Variants in TNNI3K observed in about 807,000 individuals in gnomAD.
TNNI3K encodes TNNI3 interacting kinase, also known as serine/threonine-protein kinase TNNI3K.
Under a neutral mutation model 114.5 loss-of-function variants are expected in TNNI3K, and 140 were observed. That is an observed-to-expected ratio of 1.22 (90% CI 1.07 to 1.41). The LOEUF (loss-of-function observed/expected upper bound fraction) is 1.41. Among genes scored for constraint, TNNI3K ranks in the 40% most tolerant of loss-of-function variants. TNNI3K has a pLI of 0.00. For missense variants in TNNI3K, 1,125 were observed against 1,007.6 expected, an observed-to-expected ratio of 1.12 and a Z score of -1.58; for synonymous variants, 347 against 347.5, an observed-to-expected ratio of 1.00 and a Z score of 0.02.
At chr1:74,337,399 G>T (rs1372364755) in intron 7 of TNNI3K, among the ~76,000 whole-genome samples, 1 of 151,578 alleles carries the variant, frequency 6.6e-6, no homozygotes, top group Non-Finnish European at 1.5e-5. Context: ...CATTGCTTTT[G>T]GTGTTTTAGA....
At chr1:74,275,130 A>T (rs1431163295) in intron 5 of TNNI3K, among the ~76,000 whole-genome samples, 1 of 151,982 alleles carries the variant, frequency 6.6e-6, no homozygotes, top group Non-Finnish European at 1.5e-5. Flanking sequence ...GAGGATAGAG[A>T]TTGTATTAGT....
chr1:74,430,916 T>C (rs1457288674), intron 17 of TNNI3K, among the ~76,000 whole-genome samples: 1 of 152,132 alleles, frequency 6.6e-6, no homozygotes, highest in Non-Finnish European at 1.5e-5. Flanking sequence ...ACTTGAAATA[T>C]TCCACAGTAA....
chr1:74,280,999 A>G (rs1180529343), intron 5 of TNNI3K, among the ~76,000 whole-genome samples: 1 of 152,202 alleles, frequency 6.6e-6, no homozygotes. Flanking sequence ...AACTAAAGCA[A>G]CTAGCAGACT....
chr1:74,421,675 G>C (rs978609151), intron 17 of TNNI3K, among the ~76,000 whole-genome samples: 1 of 152,042 alleles, frequency 6.6e-6, no homozygotes, highest in African/African-American at 2.4e-5. Flanking sequence ...GAGTGGCTTA[G>C]CTTGATTGCT....
At chr1:74,526,381 T>C (rs528303718) in intron 23 of TNNI3K, among the ~76,000 whole-genome samples, 1 of 152,274 alleles carries the variant, frequency 6.6e-6, no homozygotes, top group East Asian at 1.9e-4. Context: ...TTTTTATTTA[T>C]GTAACTACCC....
At position 74,336,439 on chromosome 1, in the gene TNNI3K, C is replaced by T. The variant is rs10890123; in HGVS notation, c.682+290C>T. Among the ~76,000 whole-genome samples, 38,083 of 151,584 alleles carry T rather than the reference C, an allele frequency of 0.25. 5,102 individuals carry two copies. The highest frequency in any genetic ancestry group is 0.35 in the African/African-American group (14,585 of 41,220). ...TATGTATACATGTGCCATGCTGGTGCGCTGCACCCACTAACTCGTCATCTA... is the reference window on the plus strand; with the variant it reads ...TATGTATACATGTGCCATGCTGGTGTGCTGCACCCACTAACTCGTCATCTA... On this transcript the variant is annotated intron_variant, in intron 7 of 24. Coordinates refer to ENST00000326637, the MANE Select transcript of TNNI3K (RefSeq NM_015978.3).
chr1:74,316,609 G>A (rs1659317529), intron 5 of TNNI3K, among the ~76,000 whole-genome samples: 2 of 151,868 alleles, frequency 1.3e-5, no homozygotes, highest in Admixed American at 6.6e-5. Context: ...AGTTTTCTCA[G>A]GGAGGCCCTT....
At chr1:74,343,945 T>C (rs1423275144) in intron 9 of TNNI3K, among the ~76,000 whole-genome samples, 2 of 152,232 alleles carry the variant, frequency 1.3e-5, no homozygotes, top group Non-Finnish European at 2.9e-5. Context: ...AAAAGCATAG[T>C]AATTTATATT....
At chr1:74,328,288 A>G (rs1011332482) in intron 5 of TNNI3K, among the ~76,000 whole-genome samples, 3 of 152,134 alleles carry the variant, frequency 2.0e-5, no homozygotes, top group African/African-American at 7.2e-5. Context: ...TGTAGTGGAA[A>G]GAGTGTGAAG....
At chr1:74,239,759 T>C (rs1174547920) in intron 2 of TNNI3K, among the ~76,000 whole-genome samples, 1 of 152,098 alleles carries the variant, frequency 6.6e-6, no homozygotes, top group Non-Finnish European at 1.5e-5. Flanking sequence ...TGGCATAGCT[T>C]TTACCCACAA....
intron 20 of TNNI3K, among the ~76,000 whole-genome samples, chr1:74,450,776 G>A (rs570764199): frequency 9.2e-5 from 14 of 152,268 alleles, no homozygotes; most frequent in Non-Finnish European, 2.1e-4. Context: ...TGGAGAAATA[G>A]GAATGCTTTT....
chr1:74,239,732 C>T (rs1434374163), intron 2 of TNNI3K, among the ~76,000 whole-genome samples: 1 of 152,086 alleles, frequency 6.6e-6, no homozygotes, highest in East Asian at 1.9e-4. Flanking sequence ...TCTATCAGCT[C>T]GAATACACAA....
At chr1:74,442,604 T>C (rs1666425087) in intron 20 of TNNI3K, among the ~76,000 whole-genome samples, 1 of 152,146 alleles carries the variant, frequency 6.6e-6, no homozygotes, top group South Asian at 2.1e-4. Context: ...TTTATCTCTA[T>C]CTTCACTTAG....
chr1:74,284,565 A>G (rs1367442501), intron 5 of TNNI3K, among the ~76,000 whole-genome samples: 1 of 152,220 alleles, frequency 6.6e-6, no homozygotes, highest in Non-Finnish European at 1.5e-5. Flanking sequence ...AGTTATTGTA[A>G]AGGATGGAAC....
intron 21 of TNNI3K, among the ~76,000 whole-genome samples, chr1:74,483,915 T>C (rs1332755896): frequency 6.6e-6 from 1 of 152,228 alleles, no homozygotes; most frequent in Non-Finnish European, 1.5e-5. Context: ...GAGTATGATG[T>C]CAAGATTAAG....
intron 17 of TNNI3K, among the ~76,000 whole-genome samples, chr1:74,425,918 AG>A (rs1374726003): frequency 1.3e-5 from 2 of 152,024 alleles, no homozygotes; most frequent in Non-Finnish European, 2.9e-5. Context: ...TAATACTTCT[AG>A]CTCACAGGGA....
At chr1:74,511,286 G>A (rs577478862) in intron 23 of TNNI3K, among the ~76,000 whole-genome samples, 34 of 151,602 alleles carry the variant, frequency 2.2e-4, no homozygotes, top group African/African-American at 6.3e-4. Context: ...TCTGCCTCCC[G>A]GGTTCAAGCA....
intron 21 of TNNI3K, among the ~76,000 whole-genome samples, chr1:74,479,430 G>C (rs1209891020): frequency 6.6e-6 from 1 of 152,016 alleles, no homozygotes; most frequent in African/African-American, 2.4e-5. Flanking sequence ...GGGAAGTATG[G>C]GCCAAGTTTA....
At chr1:74,368,840 G>T (rs1662426494) in intron 13 of TNNI3K, 182 bp from the exon 14 acceptor site, 1 of 540,476 alleles carries the variant, frequency 1.9e-6, no homozygotes, top group Admixed American at 3.7e-5. Flanking sequence ...TTTAATGCAG[G>T]GGGGTAGGGA....
Sources: allele counts gnomAD v4.1 joint callset (sites outside exome capture counted in the v4.1 genomes callset), GRCh38; gene constraint gnomAD v4.1.1; transcripts MANE v1.5; gene names NCBI Gene and HGNC (gene_info 2026-07-23, HGNC 2026-07-21).